Variants in NKAIN2 observed in about 807,000 individuals in gnomAD.
NKAIN2 encodes the protein sodium/potassium-transporting ATPase subunit beta-1-interacting protein 2.
In NKAIN2, 14 loss-of-function variants were observed where a neutral mutation model predicts 32.6. The ratio of observed to expected loss-of-function variants is 0.43; its 90% CI spans 0.28 to 0.67. The LOEUF is 0.67. NKAIN2 is among the 30% of genes least tolerant of loss of function. The pLI is 0.17. For missense variants in NKAIN2, 198 were observed against 258.3 expected, an observed-to-expected ratio of 0.77 and a Z score of 1.60; for synonymous variants, 80 against 87.2, an observed-to-expected ratio of 0.92 and a Z score of 0.46.
chr6:124,270,199 T>C (rs1483876633), intron 1 of NKAIN2, among the ~76,000 whole-genome samples: 1 of 152,158 alleles, frequency 6.6e-6, no homozygotes, highest in African/African-American at 2.4e-5. Context: ...ATGATGGTAA[T>C]GACATTGTTA....
rs539209520 is a variant in NKAIN2 at position 124,234,760 on chromosome 6, A to G, written c.55-48245A>G. On this transcript the variant is annotated intron_variant, in intron 1 of 6. Transcript: ENST00000368417. ...GATTTACTAACTGCACAATCAGCTC[A>G]GTAGCCTCCCACAGATTCTAAATAA... Among the ~76,000 whole-genome samples the G allele has an allele frequency of 6.6e-5, 10 of 152,314 alleles. No homozygotes were observed. The South Asian group carries it at 1.0e-3, about 16-fold the overall frequency.
rs565931594 is a variant in NKAIN2, at chr6:124,823,885, C to G, written c.*656C>G. On this transcript the variant is annotated 3_prime_UTR_variant, in exon 7 of 7. Coordinates refer to ENST00000368417, the MANE Select transcript of NKAIN2 (RefSeq NM_001040214.3). ...CACTGCTATTAATTCTAAATGAGTT[C>G]AAGCCTGTGTGTTTCATGTCAAGGA... 6.6e-6 allele frequency: 1 copy of G among 152,316 alleles called. No homozygotes were observed. The highest frequency in any genetic ancestry group is 1.5e-5 in the Non-Finnish European group (1 of 68,180). The allele number at this position is 152,316 out of a possible 1,614,324, so 9.4% of individuals were successfully genotyped here.
intron 1 of NKAIN2, among the ~76,000 whole-genome samples, chr6:123,878,897 TC>T (rs921014788): frequency 2.6e-5 from 4 of 152,310 alleles, no homozygotes; most frequent in African/African-American, 9.6e-5. Context: ...AGAAGTTCAC[TC>T]CAAAATGACT....
At chr6:124,359,115 C>T (rs1799143408) in intron 3 of NKAIN2, among the ~76,000 whole-genome samples, 1 of 152,176 alleles carries the variant, frequency 6.6e-6, no homozygotes, top group Non-Finnish European at 1.5e-5. Flanking sequence ...GGGCCCTGTT[C>T]TGTCACATTG....
At chr6:124,171,412 C>A (rs973587812) in intron 1 of NKAIN2, among the ~76,000 whole-genome samples, 3 of 152,040 alleles carry the variant, frequency 2.0e-5, no homozygotes, top group Non-Finnish European at 4.4e-5. Flanking sequence ...AAATTCATTT[C>A]TGCAGTTTAT....
chr6:124,247,955 T>C (rs572955968), intron 1 of NKAIN2, among the ~76,000 whole-genome samples: 1 of 152,242 alleles, frequency 6.6e-6, no homozygotes, highest in Non-Finnish European at 1.5e-5. Flanking sequence ...TTAGCTATTG[T>C]TGAAATAATC....
chr6:124,247,061 G>A (rs561655464), intron 1 of NKAIN2, among the ~76,000 whole-genome samples: 13 of 152,130 alleles, frequency 8.5e-5, no homozygotes, highest in African/African-American at 1.7e-4. Flanking sequence ...GGGAGATAGT[G>A]TTGTGTCCTT....
chr6:123,958,813 A>G (rs1176486918), intron 1 of NKAIN2, among the ~76,000 whole-genome samples: 1 of 152,240 alleles, frequency 6.6e-6, no homozygotes. Context: ...CAGTGCACCA[A>G]TAAACATTTG....
intron 5 of NKAIN2, among the ~76,000 whole-genome samples, chr6:124,808,164 A>T (rs1319841312): frequency 6.6e-6 from 1 of 151,896 alleles, no homozygotes; most frequent in Non-Finnish European, 1.5e-5. Flanking sequence ...TACCAAAGCC[A>T]GGCAGAGACA....
chr6:124,583,839 T>C (rs904660377), intron 3 of NKAIN2, among the ~76,000 whole-genome samples: 16 of 152,118 alleles, frequency 1.1e-4, no homozygotes, highest in Non-Finnish European at 2.9e-5. Flanking sequence ...ATCAAATCCA[T>C]ACATCTACAG....
intron 1 of NKAIN2, among the ~76,000 whole-genome samples, chr6:124,029,475 A>G (rs1781307956): frequency 1.3e-5 from 2 of 152,162 alleles, no homozygotes. Context: ...TCTTCTCTAT[A>G]CTTTTCAAAG....
chr6:124,679,309 T>C (rs1024786123), intron 4 of NKAIN2, among the ~76,000 whole-genome samples: 6 of 152,152 alleles, frequency 3.9e-5, no homozygotes, highest in African/African-American at 1.4e-4. Flanking sequence ...TCACTTTTTT[T>C]TCAGTGACGC....
chr6:123,907,496 A>G (rs1582755533), intron 1 of NKAIN2, among the ~76,000 whole-genome samples: 1 of 152,270 alleles, frequency 6.6e-6, no homozygotes, highest in East Asian at 1.9e-4. Flanking sequence ...ATGATTTCCC[A>G]GATTATTATG....
At chr6:123,823,412 A>T (rs1009091982) in intron 1 of NKAIN2, 3 of 152,234 alleles carry the variant, frequency 2.0e-5, no homozygotes, top group African/African-American at 7.2e-5. Flanking sequence ...GTGCTAGGTC[A>T]GTTCTCAGAG....
At chr6:124,229,836 G>A (rs2114730744) in intron 1 of NKAIN2, among the ~76,000 whole-genome samples, 1 of 152,218 alleles carries the variant, frequency 6.6e-6, no homozygotes, top group Admixed American at 6.5e-5. Flanking sequence ...GAACTGTTAA[G>A]TCTGTTAAAT....
intron 4 of NKAIN2, among the ~76,000 whole-genome samples, chr6:124,773,936 G>C (rs1404626974): frequency 6.6e-6 from 1 of 152,166 alleles, no homozygotes; most frequent in Non-Finnish European, 1.5e-5. Context: ...GCTCATGATA[G>C]CTAGAGAAGA....
At chr6:124,771,646 G>A (rs73571609) in intron 4 of NKAIN2, among the ~76,000 whole-genome samples, 14 of 152,246 alleles carry the variant, frequency 9.2e-5, no homozygotes, top group African/African-American at 2.9e-4. Context: ...TATTAACAGA[G>A]ATTAAATAAA....
At chr6:124,259,630 G>A (rs368730289) in intron 1 of NKAIN2, among the ~76,000 whole-genome samples, 1 of 152,090 alleles carries the variant, frequency 6.6e-6, no homozygotes, top group Non-Finnish European at 1.5e-5. Flanking sequence ...TTGATAATAG[G>A]TGAAGAACAC....
chr6:123,949,160 A>G (rs569848883), intron 1 of NKAIN2, among the ~76,000 whole-genome samples: 48 of 152,104 alleles, frequency 3.2e-4, no homozygotes, highest in Non-Finnish European at 5.6e-4. Flanking sequence ...TTTGGTTACT[A>G]TAGCTTTGCA....
Sources: gnomAD v4.1 joint callset for allele counts (sites outside exome capture counted in the v4.1 genomes callset) on GRCh38, gnomAD v4.1.1 for gene constraint, MANE v1.5 for transcripts, NCBI Gene and HGNC (gene_info 2026-07-23, HGNC 2026-07-21) for gene names.